Variants in LEF1 observed in about 807,000 individuals in gnomAD.
LEF1 encodes lymphoid enhancer-binding factor 1.
Under a neutral mutation model 51.2 loss-of-function variants are expected in LEF1, and 14 were observed. That is an observed-to-expected ratio of 0.27 (90% confidence interval 0.18 to 0.43). LEF1 has a LOEUF of 0.43. Among genes scored for constraint, LEF1 ranks in the 20% least tolerant of loss-of-function variants. The pLI is 1.00. For synonymous variants in LEF1, 185 were observed against 183.2 expected, an observed-to-expected ratio of 1.01 and a Z score of -0.08; for missense variants, 386 against 512.0, an observed-to-expected ratio of 0.75 and a Z score of 2.37.
At chr4:108,105,260 A>G (rs748667720) in intron 3 of LEF1, among the ~76,000 whole-genome samples, 1 of 148,242 alleles carries the variant, frequency 6.7e-6, no homozygotes, top group African/African-American at 2.5e-5. Flanking sequence ...GGCTCACCAC[A>G]ACCTCTGCCT....
chr4:108,058,795 C>G (rs994451808), intron 11 of LEF1, among the ~76,000 whole-genome samples: 2 of 152,162 alleles, frequency 1.3e-5, no homozygotes, highest in Non-Finnish European at 2.9e-5. Flanking sequence ...TTTGCAAACA[C>G]CCCCACCGCC....
chr4:108,159,973 C>T (rs1401231545), intron 3 of LEF1, among the ~76,000 whole-genome samples: 1 of 152,132 alleles, frequency 6.6e-6, no homozygotes, highest in Non-Finnish European at 1.5e-5. Flanking sequence ...CTACACTGAC[C>T]AGGTGTTATT....
intron 3 of LEF1, among the ~76,000 whole-genome samples, chr4:108,129,397 T>C (rs1474696769): frequency 2.0e-5 from 3 of 152,308 alleles, no homozygotes; most frequent in African/African-American, 7.2e-5. Context: ...ATTATAATTT[T>C]AGGAAGAAAA....
At chr4:108,147,870 C>A (rs2110387509) in intron 3 of LEF1, among the ~76,000 whole-genome samples, 1 of 152,286 alleles carries the variant, frequency 6.6e-6, no homozygotes, top group South Asian at 2.1e-4. Flanking sequence ...AGTGGCTAAT[C>A]CTGGATTTGG....
chr4:108,167,777 T>C lies in LEF1; in HGVS notation c.-10A>G, dbSNP rs1745509679. 5 of 1,609,840 alleles carry C rather than the reference T, an allele frequency of 3.1e-6. No homozygotes were observed. The highest frequency in any genetic ancestry group is 2.2e-5 in the East Asian group (1 of 44,858). ...CGGAGAGTTGGGGCATCCCGGCGGC[T>C]CTGTAATCTCCGCTCCGCTGTGGGA... is the stretch of plus-strand genomic sequence containing the variant. On this transcript the variant is annotated 5_prime_UTR_variant, in exon 1 of 12. Transcript: ENST00000265165. The surrounding 1 kb of genome is among the most constrained non-coding windows in gnomAD (Gnocchi z 5.7).
intron 3 of LEF1, among the ~76,000 whole-genome samples, chr4:108,113,545 T>A (rs904534156): frequency 1.3e-5 from 2 of 152,148 alleles, no homozygotes; most frequent in Non-Finnish European, 2.9e-5. Context: ...AAACATCCTG[T>A]TTTTGCCGCA....
At chr4:108,146,573 T>C (rs1744009723) in intron 3 of LEF1, among the ~76,000 whole-genome samples, 2 of 152,252 alleles carry the variant, frequency 1.3e-5, no homozygotes, top group South Asian at 4.1e-4. Context: ...TAAATTCTGA[T>C]GCTTTCAGTA....
At chr4:108,137,657 T>C (rs1435005284) in intron 3 of LEF1, among the ~76,000 whole-genome samples, 2 of 152,174 alleles carry the variant, frequency 1.3e-5, no homozygotes, top group South Asian at 2.1e-4. Context: ...TAATAATCTA[T>C]TAACTTGAAT....
intron 3 of LEF1, among the ~76,000 whole-genome samples, chr4:108,092,523 G>T (rs1186990615): frequency 6.6e-6 from 1 of 152,154 alleles, no homozygotes; most frequent in African/African-American, 2.4e-5. Context: ...ACAAGTTACT[G>T]CCCCTTGACA....
intron 11 of LEF1, among the ~76,000 whole-genome samples, chr4:108,059,114 T>C (rs1737503364): frequency 6.6e-6 from 1 of 152,104 alleles, no homozygotes; most frequent in African/African-American, 2.4e-5. Context: ...ACATTAATGG[T>C]AATTTATTTG....
chr4:108,082,143 T>C (rs1739348231), intron 5 of LEF1, among the ~76,000 whole-genome samples: 1 of 152,074 alleles, frequency 6.6e-6, no homozygotes, highest in African/African-American at 2.4e-5. Flanking sequence ...CTGTACCATT[T>C]CCCCCATATA....
In LEF1 at chr4:108,081,602, C is replaced by G. The variant is rs377048071; in HGVS notation, c.706G>C (p.Asp236His). 2 of 1,613,844 alleles carry G rather than the reference C, an allele frequency of 1.2e-6. No homozygotes were observed. Among genetic ancestry groups the G allele is most frequent in the South Asian group, 2.2e-5 (2 of 91,068 alleles). ...RQPYPSSLSVDTSMSRFSHHM... is the reference protein window; with the variant it reads ...RQPYPSSLSVHTSMSRFSHHM... ...TCCACCTACCTGGACATGGAAGTGT[C>G]GACTGACAGTGAGGATGGGTAGGGT... Residue 236 changes from aspartate to histidine, a missense_variant, in exon 6 of 12, where the codon GAC becomes CAC. Coordinates refer to ENST00000265165, the MANE Select transcript of LEF1 (RefSeq NM_016269.5).
chr4:108,162,144 T>C (rs563605097), intron 3 of LEF1, among the ~76,000 whole-genome samples: 1 of 152,290 alleles, frequency 6.6e-6, no homozygotes, highest in Admixed American at 6.5e-5. Context: ...CAGACATCTT[T>C]ATCATTAAAT....
At chr4:108,162,004 T>C (rs746123302) in intron 3 of LEF1, among the ~76,000 whole-genome samples, 6 of 152,202 alleles carry the variant, frequency 3.9e-5, no homozygotes, top group Non-Finnish European at 7.4e-5. Context: ...TATATTTGTA[T>C]GTTTTGTTCA....
intron 3 of LEF1, among the ~76,000 whole-genome samples, chr4:108,154,443 C>CAAAAAAAAAAAAA: frequency 1.4e-5 from 1 of 71,984 alleles, no homozygotes; most frequent in East Asian, 4.9e-4. Flanking sequence ...AAGGTAGTAG[C>CAAAAAAAAAAAAA]AAAAAAAAAA....
intron 11 of LEF1, among the ~76,000 whole-genome samples, chr4:108,057,510 C>A (rs1357757822): frequency 1.3e-5 from 2 of 152,092 alleles, no homozygotes; most frequent in Non-Finnish European, 2.9e-5. Context: ...CACTCCCTGG[C>A]TGCTCTAAGA....
intron 3 of LEF1, among the ~76,000 whole-genome samples, chr4:108,152,364 G>A (rs1744409938): frequency 6.6e-6 from 1 of 152,248 alleles, no homozygotes; most frequent in African/African-American, 2.4e-5. Flanking sequence ...TTGAAAGGGA[G>A]ATGGTTCCAG....
At chr4:108,095,683 C>G (rs555568915) in intron 3 of LEF1, among the ~76,000 whole-genome samples, 240 of 152,332 alleles carry the variant, frequency 1.6e-3, no homozygotes, top group African/African-American at 5.5e-3. Flanking sequence ...GGAAAACCCA[C>G]TATTCTCCAA....
At position 108,158,247 on chromosome 4, in the gene LEF1, T is replaced by C. The variant is rs1744850782; in HGVS notation, c.414+5321A>G. 3.9e-5 allele frequency among the ~76,000 whole-genome samples: 6 copies of C among 152,264 alleles called. No individual in the cohort carries two copies. In the South Asian group the frequency reaches 6.2e-4, roughly 16 times the overall value. ...TAATTTTTAAATTATCTGAATAAAA[T>C]CCAATGGCTGCCTTTTCTAAATAAG... On this transcript the variant is annotated intron_variant, in intron 3 of 11. Transcript: ENST00000265165.
Sources: gnomAD v4.1 joint callset for allele counts (sites outside exome capture counted in the v4.1 genomes callset) on GRCh38, gnomAD v4.1.1 for gene constraint, Gnocchi (gnomAD v3.1) non-coding constraint, MANE v1.5 for transcripts, NCBI Gene and HGNC (gene_info 2026-07-23, HGNC 2026-07-21) for gene names.